GRIP1: variants seen among roughly 807,000 people sequenced by gnomAD.
The protein encoded by GRIP1 is glutamate receptor interacting protein 1.
GRIP1 carries 45 observed loss-of-function variants against 129.9 expected under a neutral mutation model. The observed-to-expected ratio is 0.35, with a 90% CI of 0.27 to 0.44. The LOEUF is 0.44. Ranked by LOEUF, GRIP1 falls within the 20% of genes least tolerant of loss-of-function variation. The pLI is 1.00. For synonymous variants in GRIP1, 530 were observed against 520.8 expected (o/e 1.02, Z -0.24); for missense variants, 1,196 against 1,396.8 (o/e 0.86, Z 2.29).
intron 15 of GRIP1, among the ~76,000 whole-genome samples, chr12:66,410,592 G>A (rs1287194733): frequency 1.3e-5 from 2 of 151,966 alleles, no homozygotes; most frequent in Middle Eastern, 3.2e-3. Flanking sequence ...ACAGTGGGCC[G>A]AGATTGCACC....
rs11836521 is a variant in GRIP1 at position 66,869,702 on chromosome 12, A to G, written c.58+199348T>C. The stretch of plus-strand genomic sequence containing the variant: ...AATGATTAAAATACAAAAGCACCAT[A>G]TAGGATGATGGACTGTGTGCCATTA... On this transcript the variant is annotated intron_variant, in intron 1 of 1. Coordinates refer to the GRIP1 transcript ENST00000643019. Among the ~76,000 whole-genome samples, 603 of 152,238 alleles carry G rather than the reference A, an allele frequency of 4.0e-3. 4 individuals carry two copies. Among genetic ancestry groups the G allele is most frequent in the African/African-American group, 0.014 (587 of 41,554 alleles).
At chr12:67,024,370 C>A (rs190036599) in intron 1 of GRIP1, among the ~76,000 whole-genome samples, 40 of 152,162 alleles carry the variant, frequency 2.6e-4, no homozygotes, top group Admixed American at 3.3e-4. Context: ...GCCATAGACA[C>A]TGGGGGAAAC....
chr12:66,817,880 T>C (rs1472819866), intron 1 of GRIP1, among the ~76,000 whole-genome samples: 1 of 152,240 alleles, frequency 6.6e-6, no homozygotes, highest in African/African-American at 2.4e-5. Flanking sequence ...TGTAGCTTAA[T>C]AGGAAGAAGC....
intron 1 of GRIP1, among the ~76,000 whole-genome samples, chr12:67,062,875 A>T (rs536730874): frequency 6.6e-6 from 1 of 152,348 alleles, no homozygotes; most frequent in African/African-American, 2.4e-5. Context: ...TTCACAAAAC[A>T]TTAGACTTTT....
intron 2 of GRIP1, among the ~76,000 whole-genome samples, chr12:66,586,943 A>C (rs1038250101): frequency 3.0e-4 from 45 of 152,184 alleles, no homozygotes; most frequent in African/African-American, 1.0e-3. Context: ...ACATCAATAC[A>C]TTAACCCCTA....
At chr12:66,514,371 T>A in intron 7 of GRIP1, among the ~76,000 whole-genome samples, 3 of 152,292 alleles carry the variant, frequency 2.0e-5, no homozygotes, top group Middle Eastern at 6.8e-3. Context: ...TTCATAATTG[T>A]CTTTAAAATA....
At chr12:66,649,158 T>C (rs1178474217) in intron 1 of GRIP1, among the ~76,000 whole-genome samples, 1 of 152,214 alleles carries the variant, frequency 6.6e-6, no homozygotes, top group Non-Finnish European at 1.5e-5. Context: ...ATTGTTCAGA[T>C]ATTTTCCCTA....
chr12:66,959,248 C>T (rs1033028103), intron 1 of GRIP1, among the ~76,000 whole-genome samples: 2 of 152,048 alleles, frequency 1.3e-5, no homozygotes, highest in African/African-American at 4.8e-5. Context: ...TAAACAATAA[C>T]TTTCATATTC....
At chr12:66,701,688 T>G (rs913191914) in intron 1 of GRIP1, among the ~76,000 whole-genome samples, 3 of 152,182 alleles carry the variant, frequency 2.0e-5, no homozygotes, top group African/African-American at 4.8e-5. Flanking sequence ...TTCATAAATA[T>G]AAGCCATGTC....
At chr12:66,428,127 T>C (rs1171979646) in intron 14 of GRIP1, among the ~76,000 whole-genome samples, 2 of 152,182 alleles carry the variant, frequency 1.3e-5, no homozygotes, top group Non-Finnish European at 2.9e-5. Context: ...GCTGGGCAAG[T>C]GGACCCAAGT....
At chr12:66,792,298 G>C (rs1050305136) in intron 1 of GRIP1, among the ~76,000 whole-genome samples, 2 of 151,974 alleles carry the variant, frequency 1.3e-5, no homozygotes, top group South Asian at 4.2e-4. Flanking sequence ...CATGATCATG[G>C]CTCACTACAG....
chr12:66,599,879 T>C (rs2064203563), intron 1 of GRIP1, among the ~76,000 whole-genome samples: 1 of 152,216 alleles, frequency 6.6e-6, no homozygotes, highest in South Asian at 2.1e-4. Flanking sequence ...AGATGAAATT[T>C]CTTATGTTCT....
chr12:66,899,516 C>G (rs557550218), intron 1 of GRIP1, among the ~76,000 whole-genome samples: 46 of 152,002 alleles, frequency 3.0e-4, no homozygotes, highest in Non-Finnish European at 5.7e-4. Context: ...ATTCACGCCA[C>G]CATACCTGGC....
At chr12:66,522,379 G>A (rs978368965) in intron 5 of GRIP1, among the ~76,000 whole-genome samples, 1 of 152,148 alleles carries the variant, frequency 6.6e-6, no homozygotes, top group African/African-American at 2.4e-5. Context: ...CTGTTCTACA[G>A]CCACCGCTGT....
intron 13 of GRIP1, among the ~76,000 whole-genome samples, chr12:66,443,305 G>C (rs1039889129): frequency 2.0e-5 from 3 of 152,086 alleles, no homozygotes; most frequent in Admixed American, 6.5e-5. Context: ...ATATTTAATC[G>C]AGTTCCTTTT....
At chr12:66,386,183 A>G (rs953505396) in intron 19 of GRIP1, among the ~76,000 whole-genome samples, 1 of 152,204 alleles carries the variant, frequency 6.6e-6, no homozygotes, top group Non-Finnish European at 1.5e-5. Context: ...TTTTAGGGTA[A>G]CTATGCCTTA....
chr12:66,364,265 C>CAAAAAAAA (rs1159887365), intron 23 of GRIP1, among the ~76,000 whole-genome samples: 62 of 16,206 alleles, frequency 3.8e-3, no homozygotes, highest in Non-Finnish European at 4.6e-3. Flanking sequence ...GACTCCATCT[C>CAAAAAAAA]AAAAAAAAAA....
At chr12:66,518,183 T>C (rs1030125539) in intron 5 of GRIP1, among the ~76,000 whole-genome samples, 1 of 152,148 alleles carries the variant, frequency 6.6e-6, no homozygotes, top group African/African-American at 2.4e-5. Context: ...CATCTTTCAA[T>C]AAATATATGG....
At chr12:66,890,440 A>T (rs555770530) in intron 1 of GRIP1, among the ~76,000 whole-genome samples, 49 of 152,300 alleles carry the variant, frequency 3.2e-4, no homozygotes, top group Middle Eastern at 3.4e-3. Flanking sequence ...ATTTAGGTTT[A>T]AAAAAATTGC....
Sources: allele counts gnomAD v4.1 joint callset (sites outside exome capture counted in the v4.1 genomes callset), GRCh38; gene constraint gnomAD v4.1.1; transcripts MANE v1.5; gene names NCBI Gene and HGNC (gene_info 2026-07-23, HGNC 2026-07-21).